NUP37: variants seen among roughly 807,000 people sequenced by gnomAD.
NUP37 encodes nucleoporin Nup37.
Under a neutral mutation model 45.4 loss-of-function variants are expected in NUP37, and 33 were observed. That is an observed-to-expected ratio of 0.73 (90% CI 0.55 to 0.97). NUP37 has a LOEUF of 0.97. Ranked by LOEUF, NUP37 falls within the 50% of genes least tolerant of loss-of-function variation. NUP37 has a pLI of 0.00. For synonymous variants in NUP37, 127 were observed against 130.7 expected, an observed-to-expected ratio of 0.97 and a Z score of 0.19; for missense variants, 365 against 389.7, an observed-to-expected ratio of 0.94 and a Z score of 0.53.
intron 2 of NUP37, 61 bp from the exon 3 acceptor site, chr12:102,112,293 T>C: frequency 1.5e-6 from 2 of 1,347,176 alleles, no homozygotes; most frequent in Admixed American, 4.0e-5. Flanking sequence ...ATATTCTGTA[T>C]TTCATTATAA....
At chr12:102,108,701 T>C (rs1405021860) in intron 3 of NUP37, among the ~76,000 whole-genome samples, 1 of 152,240 alleles carries the variant, frequency 6.6e-6, no homozygotes, top group Non-Finnish European at 1.5e-5. Context: ...CTAATTCTTC[T>C]CCTTTGAATT....
Position 102,074,465 on chromosome 12 carries a change from G to A in NUP37, c.870C>T (p.Pro290=), listed in dbSNP as rs549090902. The A allele has an allele frequency of 3.2e-6, 5 of 1,584,320 alleles. No homozygotes were observed. Among genetic ancestry groups the A allele is most frequent in the African/African-American group, 1.4e-5 (1 of 74,010 alleles). Residue 290 remains proline, a splice_region_variant and synonymous_variant, in exon 10 of 10, where the codon CCC becomes CCT. Transcript: ENST00000552283. The part of the protein sequence containing the change: ...FQIHHLGHPQ[P]ILMGSVAVGS... ...CAACGGCTACAGAACCCATGAGGAT[G>A]GGCTATAAAATATGTGAAGAATTAA... is the stretch of plus-strand genomic sequence containing the variant.
At chr12:102,074,693 G>A in intron 9 of NUP37, 1 of 461,828 alleles carries the variant, frequency 2.2e-6, no homozygotes, top group South Asian at 4.3e-5. Flanking sequence ...CATTTTTGCA[G>A]TCTACACCAA....
At chr12:102,075,172 TTTTC>T (rs1206289672) in intron 8 of NUP37, 78 bp from the exon 9 acceptor site, 13 of 882,668 alleles carry the variant, frequency 1.5e-5, no homozygotes, top group South Asian at 9.3e-5. Flanking sequence ...GGCTTTTTCT[TTTTC>T]TTTTTCTTTT....
chr12:102,119,382 C>T (rs1565840342), intron 1 of NUP37: 1 of 152,256 alleles, frequency 6.6e-6, no homozygotes, highest in Admixed American at 6.5e-5. Context: ...TAAACCTGCA[C>T]GTCCCGCACA....
In NUP37 at chr12:102,108,668, CTG is replaced by C. The variant is rs147364971; in HGVS notation, c.281+3438_281+3439del. On this transcript the variant is annotated intron_variant, in intron 3 of 9. Transcript: ENST00000552283. ...ACATGCAAATAAAGGGTAAGAAAAACTGTAAAACAAAGCTTATTCTACCTAAT... is the reference window on the plus strand; with the variant it reads ...ACATGCAAATAAAGGGTAAGAAAAACTAAAACAAAGCTTATTCTACCTAAT... 1.3e-3 allele frequency among the ~76,000 whole-genome samples: 200 copies of C among 152,274 alleles called. 5 individuals carry two copies. The East Asian group carries it at 0.031, about 23-fold the overall frequency.
chr12:102,081,278 T>A (rs1879324737), intron 6 of NUP37, among the ~76,000 whole-genome samples: 1 of 152,246 alleles, frequency 6.6e-6, no homozygotes, highest in South Asian at 2.1e-4. Flanking sequence ...AGATTTTTGT[T>A]ATTTACTGTC....
At chr12:102,104,488 C>T (rs1189117096) in intron 3 of NUP37, among the ~76,000 whole-genome samples, 1 of 152,114 alleles carries the variant, frequency 6.6e-6, no homozygotes. Context: ...TCTCATTTGT[C>T]TATTTTTTGC....
Position 102,111,992 on chromosome 12 carries a change from T to C in NUP37, c.281+116A>G, listed in dbSNP as rs866683951. 10 of 911,650 alleles carry C rather than the reference T, an allele frequency of 1.1e-5. No homozygotes were observed. In the Middle Eastern group the frequency reaches 1.6e-3, roughly 145 times the overall value. 56.5% of individuals were successfully genotyped at this position (911,650 alleles called of 1,614,324 possible). A position where few individuals can be genotyped will look rare whatever the true frequency, so the allele number is the denominator to read the frequency against. Reference sequence around the variant, plus strand: ...TAGTAGCAAATATCAAAATATCTAATATCTTGGATTGTGGAAAATGGAAAT... The same window carrying C: ...TAGTAGCAAATATCAAAATATCTAACATCTTGGATTGTGGAAAATGGAAAT... On this transcript the variant is annotated intron_variant, in intron 3 of 9. Coordinates refer to ENST00000552283, the MANE Select transcript of NUP37 (RefSeq NM_024057.4).
chr12:102,113,380 G>A (rs1428338256), intron 2 of NUP37, among the ~76,000 whole-genome samples: 4 of 152,110 alleles, frequency 2.6e-5, no homozygotes, highest in African/African-American at 9.7e-5. Context: ...GGATACTTAG[G>A]GGGCTTCAAA....
intron 2 of NUP37, 145 bp from the exon 3 acceptor site, chr12:102,112,377 T>C (rs1880342152): frequency 1.7e-6 from 1 of 572,258 alleles, no homozygotes; most frequent in Non-Finnish European, 2.8e-6. Flanking sequence ...TTTAACTAGT[T>C]CATTGAATTA....
intron 5 of NUP37, among the ~76,000 whole-genome samples, chr12:102,097,099 T>C (rs117953815): frequency 3.9e-4 from 59 of 152,308 alleles, no homozygotes; most frequent in Non-Finnish European, 8.2e-4. Flanking sequence ...ATCTAGGACA[T>C]GCTCATCTCA....
intron 2 of NUP37, among the ~76,000 whole-genome samples, chr12:102,117,249 T>A (rs2136759962): frequency 6.6e-6 from 1 of 151,160 alleles, no homozygotes; most frequent in South Asian, 2.1e-4. Flanking sequence ...AGGTCAGGAG[T>A]TCGAGACCAG....
At chr12:102,077,644 C>A in intron 6 of NUP37, 141 bp from the exon 7 acceptor site, 1 of 870,184 alleles carries the variant, frequency 1.1e-6, no homozygotes, top group Non-Finnish European at 1.7e-6. Flanking sequence ...TGAAAATCTG[C>A]AATGCTCCAA....
rs540145497 is a variant in NUP37 at position 102,084,664 on chromosome 12, T to C, written c.540+1102A>G. 2.6e-5 allele frequency among the ~76,000 whole-genome samples: 4 copies of C among 151,858 alleles called. No individual in the cohort carries two copies. In the East Asian group the frequency reaches 5.8e-4, roughly 22 times the overall value. ...AACTACCAGATTAAAGGTTGGTTAA[T>C]TGTGCCATTGCACTCCAGCCTGGGT... On this transcript the variant is annotated intron_variant, in intron 6 of 9. Transcript: ENST00000552283.
chr12:102,103,043 CTTTT>C (rs61577226), intron 3 of NUP37, among the ~76,000 whole-genome samples: 1 of 151,680 alleles, frequency 6.6e-6, no homozygotes, highest in East Asian at 1.9e-4. Flanking sequence ...CGGGTTTGTT[CTTTT>C]TTTTGCTCAA....
intron 5 of NUP37, among the ~76,000 whole-genome samples, chr12:102,088,703 ATT>A (rs768691385): frequency 5.5e-5 from 6 of 109,016 alleles, no homozygotes; most frequent in African/African-American, 1.4e-4. Context: ...TTTTGTTTTA[ATT>A]TTTTTTTTTT....
At chr12:102,116,109 C>T (rs993122857) in intron 2 of NUP37, among the ~76,000 whole-genome samples, 1 of 152,134 alleles carries the variant, frequency 6.6e-6, no homozygotes, top group African/African-American at 2.4e-5. Flanking sequence ...TACATGTGAC[C>T]ATAAACTATA....
chr12:102,096,005 G>A (rs1879793398), intron 5 of NUP37, among the ~76,000 whole-genome samples: 1 of 152,060 alleles, frequency 6.6e-6, no homozygotes. Context: ...TTGTAAAGAA[G>A]AAGAAAGACT....
Sources: gnomAD v4.1 joint callset for allele counts (sites outside exome capture counted in the v4.1 genomes callset) on GRCh38, gnomAD v4.1.1 for gene constraint, MANE v1.5 for transcripts, NCBI Gene and HGNC (gene_info 2026-07-23, HGNC 2026-07-21) for gene names.